NCKAP5: variants seen among roughly 807,000 people sequenced by gnomAD.
NCKAP5 encodes NCK associated protein 5.
In NCKAP5, 92 loss-of-function variants were observed where a neutral mutation model predicts 167.0. That is an observed-to-expected ratio of 0.55 (90% CI 0.47 to 0.66). The LOEUF is 0.66. NCKAP5 is among the 30% of genes least tolerant of loss of function. The pLI, the probability that NCKAP5 is intolerant of heterozygous loss-of-function variation, is 0.00. For synonymous variants in NCKAP5, 891 were observed against 877.4 expected (o/e 1.02, Z -0.27); for missense variants, 2,378 against 2,315.0 (o/e 1.03, Z -0.56).
chr2:132,752,839 G>A (rs74518282), intron 16 of NCKAP5, among the ~76,000 whole-genome samples: 8,567 of 152,212 alleles, frequency 0.056, 342 homozygotes, highest in Non-Finnish European at 0.089. Flanking sequence ...CAAAGGCCCA[G>A]CAAGCTCAAG....
At chr2:133,054,474 A>G (rs1045596815) in intron 6 of NCKAP5, among the ~76,000 whole-genome samples, 3 of 152,196 alleles carry the variant, frequency 2.0e-5, no homozygotes, top group Non-Finnish European at 4.4e-5. Context: ...CAACATGCCA[A>G]GAGGGAGCCT....
chr2:133,395,815 T>A (rs1453732969), intron 3 of NCKAP5, among the ~76,000 whole-genome samples: 1 of 152,098 alleles, frequency 6.6e-6, no homozygotes, highest in Non-Finnish European at 1.5e-5. Context: ...GGCTATTTTT[T>A]AAATTTTTTT....
chr2:132,696,933 G>C (rs1463236364), intron 19 of NCKAP5, among the ~76,000 whole-genome samples: 1 of 152,116 alleles, frequency 6.6e-6, no homozygotes, highest in Admixed American at 6.5e-5. Flanking sequence ...TGTCACCCAG[G>C]CTGGAGTACA....
intron 6 of NCKAP5, among the ~76,000 whole-genome samples, chr2:133,070,829 T>C (rs995627914): frequency 9.2e-5 from 14 of 152,210 alleles, no homozygotes; most frequent in African/African-American, 3.4e-4. Context: ...ACATACATGA[T>C]TTTATGTATA....
chr2:133,077,585 A>G (rs1362607190), intron 6 of NCKAP5, among the ~76,000 whole-genome samples: 1 of 152,222 alleles, frequency 6.6e-6, no homozygotes, highest in Non-Finnish European at 1.5e-5. Flanking sequence ...CATGAAAACA[A>G]GCCCCGATGA....
intron 6 of NCKAP5, among the ~76,000 whole-genome samples, chr2:133,055,150 A>T (rs557710149): frequency 6.6e-6 from 1 of 152,298 alleles, no homozygotes; most frequent in South Asian, 2.1e-4. Context: ...TCTTGAGTTG[A>T]TACTAAAATT....
At position 132,672,658 on chromosome 2, in the gene NCKAP5, C is replaced by G. The variant is rs2104947111; in HGVS notation, c.*631G>C. 6.5e-6 allele frequency: 1 copy of G among 152,720 alleles called. No homozygotes were observed. Among genetic ancestry groups the G allele is most frequent in the South Asian group, 2.1e-4 (1 of 4,826 alleles). The allele number at this position is 152,720 out of a possible 1,614,324, so 9.5% of individuals were successfully genotyped here. A position where few individuals can be genotyped will look rare whatever the true frequency, so the allele number is the denominator to read the frequency against. ...TATATATTATCATCAACTTCTAAGA[C>G]TTAGTACATTATTTCAAGAGCATGG... On this transcript the variant is annotated 3_prime_UTR_variant, in exon 20 of 20. Transcript: ENST00000409261.
At chr2:133,317,540 A>T (rs561125493) in intron 3 of NCKAP5, among the ~76,000 whole-genome samples, 4 of 152,204 alleles carry the variant, frequency 2.6e-5, no homozygotes, top group African/African-American at 9.6e-5. Context: ...GGCTGAATTC[A>T]TGGGCACCTC....
intron 3 of NCKAP5, among the ~76,000 whole-genome samples, chr2:133,461,192 A>G (rs919949764): frequency 2.6e-5 from 4 of 152,044 alleles, no homozygotes; most frequent in African/African-American, 9.7e-5. Flanking sequence ...GGGAGGAAGG[A>G]CCTCCAAATA....
At chr2:133,237,401 A>G (rs200297619) in intron 4 of NCKAP5, among the ~76,000 whole-genome samples, 1 of 152,366 alleles carries the variant, frequency 6.6e-6, no homozygotes, top group East Asian at 1.9e-4. Flanking sequence ...AATAAGTGAC[A>G]TTAAAAAAGG....
intron 8 of NCKAP5, among the ~76,000 whole-genome samples, chr2:132,886,709 C>T (rs139431455): frequency 8.5e-5 from 13 of 152,252 alleles, no homozygotes; most frequent in Middle Eastern, 3.4e-3. Flanking sequence ...ATATTTATGG[C>T]GAGAATATCA....
chr2:133,415,098 G>A (rs942638562), intron 3 of NCKAP5, among the ~76,000 whole-genome samples: 1 of 152,146 alleles, frequency 6.6e-6, no homozygotes, highest in Non-Finnish European at 1.5e-5. Flanking sequence ...ATTCAGTTTG[G>A]TTACTCAGGT....
chr2:132,734,932 A>T (rs985093981), intron 16 of NCKAP5, among the ~76,000 whole-genome samples: 15 of 152,180 alleles, frequency 9.9e-5, no homozygotes, highest in Admixed American at 4.6e-4. Context: ...GCATGGCCCC[A>T]TGGCTTCCAG....
At chr2:132,997,773 G>A (rs2077648329) in intron 6 of NCKAP5, among the ~76,000 whole-genome samples, 1 of 151,376 alleles carries the variant, frequency 6.6e-6, no homozygotes, top group Non-Finnish European at 1.5e-5. Flanking sequence ...TTTCTGACCT[G>A]GGGAGAGCAT....
At chr2:133,243,075 T>A (rs867638558) in intron 4 of NCKAP5, among the ~76,000 whole-genome samples, 8 of 151,612 alleles carry the variant, frequency 5.3e-5, no homozygotes, top group Admixed American at 4.6e-4. Flanking sequence ...ACTTTTAGGG[T>A]CCTTTGAGAA....
chr2:133,364,848 A>T (rs368478413), intron 3 of NCKAP5, among the ~76,000 whole-genome samples: 1 of 151,546 alleles, frequency 6.6e-6, no homozygotes, highest in South Asian at 2.1e-4. Flanking sequence ...TCTGCCTCCC[A>T]GGCTCAAGCA....
At chr2:133,527,377 T>C (rs1275557423) in intron 2 of NCKAP5, among the ~76,000 whole-genome samples, 3 of 152,148 alleles carry the variant, frequency 2.0e-5, no homozygotes, top group Non-Finnish European at 2.9e-5. Context: ...TGGAAGCCAG[T>C]ACATTTTTGC....
the NCKAP5 span, among the ~76,000 whole-genome samples, chr2:133,608,498 G>C: frequency 6.6e-6 from 1 of 152,280 alleles, no homozygotes; most frequent in South Asian, 2.1e-4. Flanking sequence ...GGCAAGGAAA[G>C]GAAGGGTCAC....
At chr2:133,158,685 T>C (rs757429555) in intron 5 of NCKAP5, among the ~76,000 whole-genome samples, 3 of 152,170 alleles carry the variant, frequency 2.0e-5, no homozygotes, top group Non-Finnish European at 4.4e-5. Context: ...TAGACACCTC[T>C]AGTATTTTGT....
Sources: gnomAD v4.1 joint callset for allele counts (sites outside exome capture counted in the v4.1 genomes callset) on GRCh38, gnomAD v4.1.1 for gene constraint, MANE v1.5 for transcripts, NCBI Gene and HGNC (gene_info 2026-07-23, HGNC 2026-07-21) for gene names.